Variants in HDHD2 observed in about 807,000 individuals in gnomAD.
HDHD2 encodes haloacid dehalogenase like hydrolase domain containing 2.
HDHD2 carries 26 observed loss-of-function variants against 24.8 expected under a neutral mutation model. That is an observed-to-expected ratio of 1.05 (90% CI 0.77 to 1.45). The LOEUF is 1.45. Among genes scored for constraint, HDHD2 ranks in the 40% most tolerant of loss-of-function variants. The pLI, the probability that HDHD2 is intolerant of heterozygous loss-of-function variation, is 0.00. For synonymous variants in HDHD2, 128 were observed against 114.9 expected, an observed-to-expected ratio of 1.11 and a Z score of -0.73; for missense variants, 299 against 313.4, an observed-to-expected ratio of 0.95 and a Z score of 0.35.
intron 6 of HDHD2, among the ~76,000 whole-genome samples, chr18:47,112,104 G>A (rs1055156577): frequency 6.6e-6 from 1 of 152,220 alleles, no homozygotes; most frequent in Non-Finnish European, 1.5e-5. Context: ...GCATGCAGGG[G>A]AAGAAGGGCT....
intron 6 of HDHD2, chr18:47,110,306 A>C (rs2063505371): frequency 1.0e-6 from 1 of 985,262 alleles, no homozygotes; most frequent in Non-Finnish European, 1.2e-6. Context: ...TACAAAGGTA[A>C]TTAATATATA....
intron 1 of HDHD2, among the ~76,000 whole-genome samples, chr18:47,139,636 G>A (rs766952778): frequency 2.6e-5 from 4 of 152,108 alleles, no homozygotes; most frequent in East Asian, 1.9e-4. Flanking sequence ...GTCAGGACTC[G>A]TGACTGGTGT....
intron 3 of HDHD2, among the ~76,000 whole-genome samples, chr18:47,131,841 A>G (rs1411215731): frequency 6.6e-6 from 1 of 152,224 alleles, no homozygotes; most frequent in Non-Finnish European, 1.5e-5. Context: ...TTATCCCACT[A>G]TGAATGAACA....
At chr18:47,128,157 T>C (rs2063678147) in intron 4 of HDHD2, among the ~76,000 whole-genome samples, 1 of 152,182 alleles carries the variant, frequency 6.6e-6, no homozygotes, top group Admixed American at 6.5e-5. Context: ...GTTTTAAGTT[T>C]ATAAAAAATC....
chr18:47,119,090 C>G (rs2063581519), intron 4 of HDHD2, among the ~76,000 whole-genome samples: 1 of 152,226 alleles, frequency 6.6e-6, no homozygotes, highest in Non-Finnish European at 1.5e-5. Flanking sequence ...TAACAATCAT[C>G]TGAGCCTTCA....
chr18:47,145,340 A>C (rs911998865), intron 1 of HDHD2, among the ~76,000 whole-genome samples: 13 of 152,356 alleles, frequency 8.5e-5, no homozygotes, highest in African/African-American at 3.1e-4. Flanking sequence ...AAGAACAAGA[A>C]AGTAGGCGTT....
rs534312655 is a variant in HDHD2 at position 47,107,812 on chromosome 18, T to C, written c.*870A>G. ...GGCAAAAATAATGAAATCTTGCAAA[T>C]GTACAGTTAATAGGACCCTAGTGGA... On this transcript the variant is annotated 3_prime_UTR_variant, in exon 7 of 7. Transcript: ENST00000300605. 1 of 152,748 alleles carries C rather than the reference T, an allele frequency of 6.5e-6. No homozygotes were observed. The highest frequency in any genetic ancestry group is 6.5e-5 in the Admixed American group (1 of 15,296). 9.5% of individuals were successfully genotyped at this position (152,748 alleles called of 1,614,324 possible).
intron 1 of HDHD2, chr18:47,136,910 T>C (rs952341808): frequency 8.9e-6 from 4 of 451,562 alleles, no homozygotes; most frequent in Admixed American, 3.6e-5. Context: ...AAACAGAATA[T>C]GTGGCTCTCC....
intron 6 of HDHD2, among the ~76,000 whole-genome samples, chr18:47,112,653 T>A (rs2063524571): frequency 6.6e-6 from 1 of 152,222 alleles, no homozygotes; most frequent in African/African-American, 2.4e-5. Context: ...AAAGGTATTT[T>A]CACAGAGCAC....
chr18:47,135,648 T>C (rs2144358566), intron 2 of HDHD2, among the ~76,000 whole-genome samples: 1 of 152,364 alleles, frequency 6.6e-6, no homozygotes, highest in East Asian at 1.9e-4. Flanking sequence ...ATTGCTGATT[T>C]TGAAAACTTC....
Position 47,134,610 on chromosome 18 carries a change from C to A in HDHD2, c.196G>T (p.Asp66Tyr). The A allele has an allele frequency of 6.2e-7, 1 of 1,614,030 alleles. No homozygotes were observed. The highest frequency in any genetic ancestry group is 8.5e-7 in the Non-Finnish European group (1 of 1,179,918). The stretch of plus-strand genomic sequence containing the variant: ...GTGAATATTTCATCTTCAGAGATAT[C>A]AAATTCCAATTTTCTCAACCTTTCT... ...LLERLRKLEF[D>Y]ISEDEIFTSL... is the part of the protein sequence containing the mutation. Residue 66 changes from aspartate (D) to tyrosine (Y), a missense_variant, in exon 3 of 7, where the codon GAT (aspartate) becomes TAT (tyrosine). Coordinates refer to ENST00000300605, the MANE Select transcript of HDHD2 (RefSeq NM_032124.5).
intron 2 of HDHD2, among the ~76,000 whole-genome samples, chr18:47,135,324 C>T (rs927264107): frequency 8.7e-5 from 13 of 148,824 alleles, no homozygotes; most frequent in African/African-American, 2.5e-4. Context: ...TGCAATGGCA[C>T]GATCTCAGCG....
At chr18:47,143,272 C>T (rs1302326659) in intron 1 of HDHD2, among the ~76,000 whole-genome samples, 3 of 151,984 alleles carry the variant, frequency 2.0e-5, no homozygotes, top group African/African-American at 7.3e-5. Flanking sequence ...GGCCATAAAG[C>T]GAGACCCCCA....
At chr18:47,149,374 A>G (rs1192873915) in intron 1 of HDHD2, among the ~76,000 whole-genome samples, 3 of 152,088 alleles carry the variant, frequency 2.0e-5, no homozygotes, top group African/African-American at 7.2e-5. Flanking sequence ...CCTTCCCTAT[A>G]TGGTTCCAGA....
At chr18:47,137,565 G>A (rs1048531485) in intron 1 of HDHD2, among the ~76,000 whole-genome samples, 3 of 152,096 alleles carry the variant, frequency 2.0e-5, no homozygotes, top group Non-Finnish European at 2.9e-5. Flanking sequence ...TACTGATTCT[G>A]TGAAAATACC....
chr18:47,137,716 A>G (rs929701970), intron 1 of HDHD2, among the ~76,000 whole-genome samples: 1 of 152,164 alleles, frequency 6.6e-6, no homozygotes, highest in Non-Finnish European at 1.5e-5. Flanking sequence ...AATGTTTTTC[A>G]TTTATCAATG....
chr18:47,139,950 A>T lies in HDHD2; in HGVS notation c.-10-3501T>A, dbSNP rs113385993. Among the ~76,000 whole-genome samples the T allele has an allele frequency of 6.6e-3, 1,008 of 152,348 alleles. 13 individuals carry two copies. The highest frequency in any genetic ancestry group is 0.023 in the African/African-American group (976 of 41,574). On this transcript the variant is annotated intron_variant, in intron 1 of 6. Coordinates refer to ENST00000300605, the MANE Select transcript of HDHD2 (RefSeq NM_032124.5). ...TATCTACCTCATCCCCAACTTAAGA[A>T]CAGAACTAATGGCAATATTGCTGAA...
intron 6 of HDHD2, chr18:47,110,669 G>C: frequency 1.0e-6 from 1 of 985,320 alleles, no homozygotes; most frequent in Non-Finnish European, 1.2e-6. Context: ...CGTTCGTTGA[G>C]TGAATGGAGC....
chr18:47,114,426 G>A (rs898778088), intron 5 of HDHD2, among the ~76,000 whole-genome samples: 1 of 152,154 alleles, frequency 6.6e-6, no homozygotes, highest in Admixed American at 6.5e-5. Flanking sequence ...CATTTGTGAC[G>A]ATCCCTCCCA....
Sources: gnomAD v4.1 joint callset for allele counts (sites outside exome capture counted in the v4.1 genomes callset) on GRCh38, gnomAD v4.1.1 for gene constraint, MANE v1.5 for transcripts, NCBI Gene and HGNC (gene_info 2026-07-23, HGNC 2026-07-21) for gene names.